Variants in AGBL4 observed in about 807,000 individuals in gnomAD.
AGBL4 encodes cytosolic carboxypeptidase 6.
A neutral mutation model predicts 66.4 loss-of-function variants in AGBL4; 58 were observed. The observed-to-expected ratio is 0.87, with a 90% CI of 0.71 to 1.09. The LOEUF is 1.09. Among genes scored for constraint, AGBL4 ranks in the 50% least tolerant of loss-of-function variants. The pLI is 0.00. For missense variants in AGBL4, 579 were observed against 631.0 expected, an observed-to-expected ratio of 0.92 and a Z score of 0.88; for synonymous variants, 234 against 222.9, an observed-to-expected ratio of 1.05 and a Z score of -0.44.
At chr1:48,799,759 A>G (rs781306721) in intron 6 of AGBL4, among the ~76,000 whole-genome samples, 1 of 151,926 alleles carries the variant, frequency 6.6e-6, no homozygotes, top group African/African-American at 2.4e-5. Flanking sequence ...TGATCATGTG[A>G]TTTTATTTGT....
chr1:49,238,206 T>C (rs972407108), intron 4 of AGBL4, among the ~76,000 whole-genome samples: 1 of 152,204 alleles, frequency 6.6e-6, no homozygotes, highest in Non-Finnish European at 1.5e-5. Flanking sequence ...TTCTCAAATT[T>C]GTAGGTTTAT....
At chr1:49,866,678 C>T (rs1324723832) in intron 1 of AGBL4, among the ~76,000 whole-genome samples, 1 of 152,058 alleles carries the variant, frequency 6.6e-6, no homozygotes, top group East Asian at 1.9e-4. Context: ...GCAGGAGAAT[C>T]ATTTGAACCC....
At chr1:49,056,881 A>AT (rs1235840199) in intron 4 of AGBL4, among the ~76,000 whole-genome samples, 1 of 151,924 alleles carries the variant, frequency 6.6e-6, no homozygotes, top group African/African-American at 2.4e-5. Flanking sequence ...AATGGTATCA[A>AT]TTTTTTTTGG....
At chr1:49,713,986 C>T (rs773336708) in intron 2 of AGBL4, among the ~76,000 whole-genome samples, 5 of 152,002 alleles carry the variant, frequency 3.3e-5, no homozygotes, top group Non-Finnish European at 7.4e-5. Context: ...ATATGCCAAA[C>T]ACTCCTAACT....
chr1:49,373,299 A>G (rs905473471), intron 3 of AGBL4, among the ~76,000 whole-genome samples: 9 of 152,192 alleles, frequency 5.9e-5, no homozygotes, highest in African/African-American at 2.2e-4. Flanking sequence ...TATGTGGTAT[A>G]TGACCAATAG....
intron 3 of AGBL4, among the ~76,000 whole-genome samples, chr1:49,460,906 A>G (rs1441235921): frequency 6.6e-6 from 1 of 151,676 alleles, no homozygotes; most frequent in Non-Finnish European, 1.5e-5. Flanking sequence ...GTTTTGTTTT[A>G]GGAGGCTAAA....
At chr1:48,924,279 T>TATAAATAAATAA (rs56391090) in intron 5 of AGBL4, among the ~76,000 whole-genome samples, 11 of 148,488 alleles carry the variant, frequency 7.4e-5, no homozygotes, top group Middle Eastern at 3.2e-3. Flanking sequence ...GAATCTAAAA[T>TATAAATAAATAA]ATAAATAAAT....
At chr1:48,954,110 G>C (rs975113814) in intron 5 of AGBL4, among the ~76,000 whole-genome samples, 1 of 152,186 alleles carries the variant, frequency 6.6e-6, no homozygotes, top group Admixed American at 6.5e-5. Flanking sequence ...CAGGATGTAT[G>C]CCTCAGTTTC....
chr1:48,978,013 T>A (rs770389562), intron 5 of AGBL4, among the ~76,000 whole-genome samples: 1 of 152,194 alleles, frequency 6.6e-6, no homozygotes, highest in Non-Finnish European at 1.5e-5. Flanking sequence ...CAGAGACAGA[T>A]AACATGACCT....
chr1:49,960,116 G>A (rs1656996288), intron 1 of AGBL4, among the ~76,000 whole-genome samples: 2 of 151,868 alleles, frequency 1.3e-5, no homozygotes, highest in South Asian at 4.2e-4. Context: ...AAACCCCCAT[G>A]ACCTGCAGTT....
At chr1:49,720,662 A>T (rs1648529623) in intron 2 of AGBL4, among the ~76,000 whole-genome samples, 1 of 152,130 alleles carries the variant, frequency 6.6e-6, no homozygotes, top group Non-Finnish European at 1.5e-5. Context: ...AAATTCATAG[A>T]GTTGTTGTAA....
chr1:48,706,434 A>T (rs537496590), intron 6 of AGBL4, among the ~76,000 whole-genome samples: 15 of 152,332 alleles, frequency 9.8e-5, no homozygotes, highest in Admixed American at 7.2e-4. Flanking sequence ...GTGTTTCAAC[A>T]ACAGGAATAG....
At chr1:48,821,949 A>T (rs1439995114) in intron 6 of AGBL4, among the ~76,000 whole-genome samples, 3 of 152,216 alleles carry the variant, frequency 2.0e-5, no homozygotes, top group African/African-American at 7.2e-5. Context: ...ATGTCCAATA[A>T]ACTCATGAAA....
chr1:49,413,496 T>C (rs905097692), intron 3 of AGBL4, among the ~76,000 whole-genome samples: 2 of 152,196 alleles, frequency 1.3e-5, no homozygotes, highest in African/African-American at 2.4e-5. Context: ...TGGGTGGAAT[T>C]GATTTGACCA....
At chr1:48,587,249 T>C in intron 10 of AGBL4, 83 bp from the exon 11 acceptor site, 1 of 1,391,366 alleles carries the variant, frequency 7.2e-7, no homozygotes. Context: ...CACCTCTGGG[T>C]CTCAGCTTCA....
intron 2 of AGBL4, among the ~76,000 whole-genome samples, chr1:49,761,641 G>A (rs1652326384): frequency 6.6e-6 from 1 of 152,150 alleles, no homozygotes; most frequent in Admixed American, 6.5e-5. Context: ...GTTGCATAAT[G>A]TTCAAATCGG....
At chr1:48,645,706 T>G (rs1291228488) in intron 8 of AGBL4, among the ~76,000 whole-genome samples, 2 of 152,168 alleles carry the variant, frequency 1.3e-5, no homozygotes, top group Non-Finnish European at 2.9e-5. Context: ...ATGAAACAAT[T>G]AATGCAAAAT....
At chr1:48,691,047 C>G (rs147827986) in intron 6 of AGBL4, among the ~76,000 whole-genome samples, 1 of 151,294 alleles carries the variant, frequency 6.6e-6, no homozygotes, top group Admixed American at 6.6e-5. Context: ...TGCCTGTAAT[C>G]TCAGCTACTC....
chr1:49,551,404 G>T lies in AGBL4; in HGVS notation c.282+145909C>A, dbSNP rs375948822. Among the ~76,000 whole-genome samples, 187 of 152,262 alleles carry T rather than the reference G, an allele frequency of 1.2e-3. 6 individuals are homozygous for T. The South Asian group carries it at 0.035, about 29-fold the overall frequency. On this transcript the variant is annotated intron_variant, in intron 3 of 13. Transcript: ENST00000371839. ...TCATATTACCAGAGTTGGTTTTCTG[G>T]TTCCTTCTCATTTGGGTAGACTCTG...
Sources: allele counts gnomAD v4.1 joint callset (sites outside exome capture counted in the v4.1 genomes callset), GRCh38; gene constraint gnomAD v4.1.1; transcripts MANE v1.5; gene names NCBI Gene and HGNC (gene_info 2026-07-23, HGNC 2026-07-21).